DIPK2B: variants seen among roughly 807,000 people sequenced by gnomAD.
DIPK2B encodes the protein UPF0672 protein CXorf36.
Under a neutral mutation model 22.2 loss-of-function variants are expected in DIPK2B, and 15 were observed. That is an observed-to-expected ratio of 0.68 (90% CI 0.45 to 1.04). DIPK2B has a LOEUF of 1.04. Among genes scored for constraint, DIPK2B ranks in the 50% least tolerant of loss-of-function variants. DIPK2B has a pLI of 0.00. For synonymous variants in DIPK2B, 163 were observed against 153.2 expected, an observed-to-expected ratio of 1.06 and a Z score of -0.47; for missense variants, 345 against 348.3, an observed-to-expected ratio of 0.99 and a Z score of 0.08.
chrX:45,159,712 G>A (rs2047012913), intron 2 of DIPK2B, among the ~76,000 whole-genome samples: 1 of 111,682 alleles, frequency 9.0e-6, no homozygotes, highest in Non-Finnish European at 1.9e-5. Context: ...TGAGCTATTG[G>A]AGCCAACAGG....
At chrX:45,186,849 T>C (rs955617710) in intron 2 of DIPK2B, among the ~76,000 whole-genome samples, 2 of 112,283 alleles carry the variant, frequency 1.8e-5, no homozygotes, top group African/African-American at 6.5e-5. Context: ...TCCTAGCGCC[T>C]AGCACAGGTC....
intron 4 of DIPK2B, among the ~76,000 whole-genome samples, chrX:45,153,683 A>T (rs1183457974): frequency 1.8e-5 from 2 of 110,927 alleles, no homozygotes; most frequent in African/African-American, 6.6e-5. Flanking sequence ...CTTCTCATGG[A>T]CAAGGCCAAA....
intron 2 of DIPK2B, among the ~76,000 whole-genome samples, chrX:45,165,301 GT>G (rs1391426147): frequency 2.7e-5 from 3 of 111,689 alleles, no homozygotes; most frequent in Non-Finnish European, 5.6e-5. Context: ...AAAGCCCAAA[GT>G]TAACCTTTAA....
At chrX:45,169,473 T>C (rs908027577) in intron 2 of DIPK2B, among the ~76,000 whole-genome samples, 1 of 111,619 alleles carries the variant, frequency 9.0e-6, no homozygotes, top group South Asian at 3.8e-4. Context: ...CTGTAACATA[T>C]GCATTGTGTC....
At chrX:45,198,726 C>T (rs894175005) in intron 1 of DIPK2B, among the ~76,000 whole-genome samples, 2 of 111,595 alleles carry the variant, frequency 1.8e-5, no homozygotes, top group African/African-American at 6.5e-5. Flanking sequence ...TGTCTGCCTT[C>T]TTATTGCCTC....
chrX:45,169,358 C>A (rs1301813399), intron 2 of DIPK2B, among the ~76,000 whole-genome samples: 1 of 112,233 alleles, frequency 8.9e-6, no homozygotes, highest in Admixed American at 9.4e-5. Flanking sequence ...TTCTCCCAGT[C>A]TTCCAGGTTA....
At chrX:45,172,132 G>T (rs1002509013) in intron 2 of DIPK2B, among the ~76,000 whole-genome samples, 25 of 112,217 alleles carry the variant, frequency 2.2e-4, no homozygotes, top group Non-Finnish European at 4.1e-4. Context: ...AGGCAGGACT[G>T]GAGCCAGATA....
At chrX:45,173,029 G>A (rs1044190808) in intron 2 of DIPK2B, among the ~76,000 whole-genome samples, 2 of 111,718 alleles carry the variant, frequency 1.8e-5, no homozygotes, top group East Asian at 2.8e-4. Context: ...CAGGCTTCTA[G>A]TTCCCCCTAG....
chrX:45,174,358 T>A (rs1055793683), intron 2 of DIPK2B, among the ~76,000 whole-genome samples: 8 of 111,609 alleles, frequency 7.2e-5, no homozygotes, highest in Non-Finnish European at 1.3e-4. Context: ...CCTTCTGAGG[T>A]CAGAGAGATA....
Position 45,151,929 on chromosome X carries a change from C to T in DIPK2B, c.1025G>A (p.Cys342Tyr), listed in dbSNP as rs370417478. The change falls in exon 5 of 5, where the codon TGC becomes TAC. Residue 342 changes from cysteine to tyrosine, a missense_variant. By Grantham distance (194) the Cys-to-Tyr change is radical. Transcript: ENST00000398000. Reference sequence around the variant, plus strand: ...TTCGCAGGAGGGCAGCTGGGCCTGGCAGCCGGAAACCAGGCAGCTAAAAAT... The same window carrying T: ...TTCGCAGGAGGGCAGCTGGGCCTGGTAGCCGGAAACCAGGCAGCTAAAAAT... ...KDIFSCLVSG[C>Y]QAQLPSCESI... 5.0e-6 allele frequency: 6 copies of T among 1,201,195 alleles called. No homozygotes were observed. The African/African-American group carries it at 1.0e-4, about 21-fold the overall frequency.
intron 1 of DIPK2B, 94 bp from the exon 2 acceptor site, chrX:45,192,109 C>A: frequency 2.2e-6 from 2 of 902,476 alleles, no homozygotes; most frequent in Non-Finnish European, 3.0e-6. Flanking sequence ...CCCAACTGAT[C>A]CATTTCTCCT....
chrX:45,180,199 AG>A (rs2047141989), intron 2 of DIPK2B, among the ~76,000 whole-genome samples: 1 of 112,139 alleles, frequency 8.9e-6, no homozygotes, highest in African/African-American at 3.2e-5. Flanking sequence ...TTATTTAAAA[AG>A]GGGGGAACAA....
At chrX:45,163,267 G>T in intron 2 of DIPK2B, 1 of 382,887 alleles carries the variant, frequency 2.6e-6, no homozygotes, top group Non-Finnish European at 3.3e-6. Context: ...CCTACCATAT[G>T]GATTTTGGAC....
At chrX:45,157,531 CT>C (rs2047001059) in intron 3 of DIPK2B, among the ~76,000 whole-genome samples, 183 bp downstream of exon 3, 1 of 111,810 alleles carries the variant, frequency 8.9e-6, no homozygotes, top group Admixed American at 9.5e-5. Flanking sequence ...GCTCCCACAC[CT>C]GTTTCCTCTA....
intron 2 of DIPK2B, among the ~76,000 whole-genome samples, chrX:45,161,696 A>G (rs2047023574): frequency 8.9e-6 from 1 of 112,375 alleles, no homozygotes; most frequent in African/African-American, 3.2e-5. Flanking sequence ...AGATGAGAGA[A>G]TGCAAAGATT....
intron 2 of DIPK2B, among the ~76,000 whole-genome samples, chrX:45,180,531 T>C (rs776256602): frequency 9.0e-6 from 1 of 111,403 alleles, no homozygotes; most frequent in East Asian, 2.8e-4. Flanking sequence ...TATCTTAACG[T>C]GAGAAAAAAA....
chrX:45,185,002 C>T (rs990705564), intron 2 of DIPK2B, among the ~76,000 whole-genome samples: 2 of 110,834 alleles, frequency 1.8e-5, no homozygotes, highest in South Asian at 7.5e-4. Context: ...TTTAATATTT[C>T]TACTTTAAAA....
rs1480947789 is a variant in DIPK2B, at chrX:45,162,854, TG to T, written c.499-4967del. 3 of 752,763 alleles carry T rather than the reference TG, an allele frequency of 4.0e-6. No individual in the cohort carries two copies. The African/African-American group carries it at 6.9e-5, about 17-fold the overall frequency. 62.0% of individuals were successfully genotyped at this position (752,763 alleles called of 1,213,427 possible). A position where few individuals can be genotyped will look rare whatever the true frequency, so the allele number is the denominator to read the frequency against. On this transcript the variant is annotated intron_variant, in intron 2 of 4. Coordinates refer to ENST00000398000, the MANE Select transcript of DIPK2B (RefSeq NM_176819.4). ...TCAATGTCTCTATTGACTGGAATTT[TG>T]CTTGGCTATATTGTTACTTGATAGG...
Position 45,162,515 on chromosome X carries a change from T to C in DIPK2B, c.499-4627A>G, listed in dbSNP as rs1056883240. 4.0e-6 allele frequency: 3 copies of C among 752,539 alleles called. 1 individual carries two copies. Among genetic ancestry groups the C allele is most frequent in the Non-Finnish European group, 4.7e-6 (3 of 639,119 alleles). 62.0% of individuals were successfully genotyped at this position (752,539 alleles called of 1,213,427 possible). A position where few individuals can be genotyped will look rare whatever the true frequency, so the allele number is the denominator to read the frequency against. The stretch of plus-strand genomic sequence containing the variant: ...GACCTTTGTCTACTTCTGTTTGGCA[T>C]GTGCTGGCCATGTGCAAACCCACAA... On this transcript the variant is annotated intron_variant, in intron 2 of 4. Transcript: ENST00000398000.
Sources: allele counts gnomAD v4.1 joint callset (sites outside exome capture counted in the v4.1 genomes callset), GRCh38; gene constraint gnomAD v4.1.1; transcripts MANE v1.5; gene names NCBI Gene and HGNC (gene_info 2026-07-23, HGNC 2026-07-21).